JAG1: variants seen among roughly 807,000 people sequenced by gnomAD.
JAG1 encodes jagged canonical Notch ligand 1.
Under a neutral mutation model 148.7 loss-of-function variants are expected in JAG1, and 23 were observed. The observed-to-expected ratio is 0.15, with a 90% CI of 0.11 to 0.22. The LOEUF (loss-of-function observed/expected upper bound fraction) is 0.22, where lower values mean the gene tolerates loss of function less well. Ranked by LOEUF, JAG1 falls within the 10% of genes least tolerant of loss-of-function variation. The pLI is 1.00. For synonymous variants in JAG1, 572 were observed against 598.3 expected, an observed-to-expected ratio of 0.96 and a Z score of 0.64; for missense variants, 1,054 against 1,611.2, an observed-to-expected ratio of 0.65 and a Z score of 5.92.
Position 10,647,044 on chromosome 20 carries a change from T to C in JAG1, c.1780A>G (p.Ile594Val). Reference protein sequence around the residue: ...SNDTPEGVRYISSNVCGPHGK... With the variant: ...SNDTPEGVRYVSSNVCGPHGK... ...TGAGGACCACAGACGTTGGAGGAAA[T>C]ATACCGCACCCCTTCAGGTGTGTCG... The change falls in exon 14 of 26, where the codon ATT (isoleucine) becomes GTT (valine). Residue 594 changes from isoleucine (I) to valine (V), a missense_variant. Coordinates refer to ENST00000254958, the MANE Select transcript of JAG1 (RefSeq NM_000214.3). The C allele has an allele frequency of 6.2e-7, 1 of 1,614,138 alleles. No homozygotes were observed.
At chr20:10,640,661 A>T in intron 25 of JAG1, 122 bp downstream of exon 25, 1 of 1,021,116 alleles carries the variant, frequency 9.8e-7, no homozygotes, top group Non-Finnish European at 1.5e-6. Flanking sequence ...GTTCTCAGTT[A>T]AATTGGGAGC....
rs1600176562 is a variant in JAG1, at chr20:10,637,994, T to A, written c.*1504A>T. The A allele has an allele frequency of 6.5e-6, 1 of 152,792 alleles. No individual in the cohort carries two copies. The highest frequency in any genetic ancestry group is 1.9e-4 in the East Asian group (1 of 5,192). The allele number at this position is 152,792 out of a possible 1,614,324, so 9.5% of individuals were successfully genotyped here. A position where few individuals can be genotyped will look rare whatever the true frequency, so the allele number is the denominator to read the frequency against. ...TGTTCCATGTTTTCATACAAAAAAA[T>A]TTAATAAATATTACTTTTCAAAATT... On this transcript the variant is annotated 3_prime_UTR_variant, in exon 26 of 26. Transcript: ENST00000254958.
intron 13 of JAG1, chr20:10,647,397 T>G: frequency 2.0e-6 from 1 of 492,464 alleles, no homozygotes; most frequent in Non-Finnish European, 3.7e-6. Flanking sequence ...TGGTAAACAC[T>G]TGCTAAGGCA....
intron 3 of JAG1, among the ~76,000 whole-genome samples, chr20:10,662,742 C>CCA (rs2067425783): frequency 6.6e-6 from 1 of 152,044 alleles, no homozygotes; most frequent in African/African-American, 2.4e-5. Context: ...CCTGCCACCC[C>CCA]CACACACACC....
chr20:10,650,612 C>A (rs1047140929), intron 8 of JAG1: 2 of 501,044 alleles, frequency 4.0e-6, no homozygotes, highest in Admixed American at 6.5e-5. Flanking sequence ...TGGATACTGA[C>A]GGAGCATCCG....
At position 10,645,804 on chromosome 20, in the gene JAG1, G is replaced by A; in HGVS notation, c.1999+167C>T. 1 of 681,772 alleles carries A rather than the reference G, an allele frequency of 1.5e-6. No homozygotes were observed. The allele number at this position is 681,772 out of a possible 1,614,324, so 42.2% of individuals were successfully genotyped here. A position where few individuals can be genotyped will look rare whatever the true frequency, so the allele number is the denominator to read the frequency against. On this transcript the variant is annotated intron_variant, in intron 15 of 25. Coordinates refer to ENST00000254958, the MANE Select transcript of JAG1 (RefSeq NM_000214.3). This position sits in a 1 kb window ranked among gnomAD's most constrained non-coding sequence, Gnocchi z 6.1. The stretch of plus-strand genomic sequence containing the variant: ...AGCTCCTCCCCATAAGCTATCATCA[G>A]GACTCATAAATGCAAATGAGACACA...
intron 2 of JAG1, among the ~76,000 whole-genome samples, chr20:10,672,113 G>A (rs1213442892): frequency 2.6e-5 from 4 of 152,168 alleles, no homozygotes; most frequent in African/African-American, 9.6e-5. Context: ...AGGGCCCCAA[G>A]AACCTCCTCC....
chr20:10,640,956 TGA>T (rs1201794695), intron 24 of JAG1, 23 bp from the exon 25 acceptor site: 1 of 1,613,666 alleles, frequency 6.2e-7, no homozygotes, highest in Non-Finnish European at 8.5e-7. Flanking sequence ...TTGTCAGACT[TGA>T]GAGTCAGAGG....
At chr20:10,658,956 CCTAGT>C (rs1369560091) in intron 3 of JAG1, among the ~76,000 whole-genome samples, 1 of 152,180 alleles carries the variant, frequency 6.6e-6, no homozygotes. Flanking sequence ...AAATAATTTA[CCTAGT>C]CCCTGACATG....
chr20:10,667,741 T>G (rs188798739), intron 2 of JAG1, among the ~76,000 whole-genome samples: 2 of 152,282 alleles, frequency 1.3e-5, no homozygotes, highest in African/African-American at 4.8e-5. Flanking sequence ...CCAAAGCTCA[T>G]ATCCAGATTT....
chr20:10,651,455 C>CTTAG, intron 8 of JAG1, 126 bp downstream of exon 8: 1 of 660,898 alleles, frequency 1.5e-6, no homozygotes. Flanking sequence ...GCTTACCAGA[C>CTTAG]TTAGGCCTGC....
In JAG1 at chr20:10,645,158, T is replaced by C; in HGVS notation, c.2212A>G (p.Thr738Ala). Residue 738 changes from threonine to alanine, a missense_variant, in exon 17 of 26, where the codon ACA becomes GCA. Physicochemically the swap from Thr to Ala is moderately conservative, Grantham distance 58. Transcript: ENST00000254958. The surrounding 1 kb of genome is among the most constrained non-coding windows in gnomAD (Gnocchi z 6.1). ...ATAAAGTTACCTATGTTACAGGTTG[T>C]TCCTTCCCAGCCGCCAGGACACATG... is the stretch of plus-strand genomic sequence containing the variant. ...KCMCPGGWEG[T>A]TCNIARNSSC... 2 of 1,613,974 alleles carry C rather than the reference T, an allele frequency of 1.2e-6. No individual in the cohort carries two copies. The highest frequency in any genetic ancestry group is 1.7e-6 in the Non-Finnish European group (2 of 1,179,826).
intron 5 of JAG1, among the ~76,000 whole-genome samples, chr20:10,653,236 G>A (rs921512495): frequency 1.3e-5 from 2 of 150,400 alleles, no homozygotes; most frequent in Admixed American, 1.3e-4. Context: ...TCCCATTACT[G>A]TGTGCTAATT....
intron 19 of JAG1, 151 bp from the exon 20 acceptor site, chr20:10,644,014 C>G: frequency 1.4e-6 from 1 of 725,266 alleles, no homozygotes; most frequent in Non-Finnish European, 2.5e-6. Flanking sequence ...ATGCCTGGGT[C>G]CCACCCCCAG....
chr20:10,642,391 C>T (rs928650637), intron 21 of JAG1, 97 bp downstream of exon 21: 1 of 740,424 alleles, frequency 1.4e-6, no homozygotes, highest in Non-Finnish European at 2.4e-6. Flanking sequence ...TGTTCCCTTC[C>T]CTGAGCACAG....
intron 13 of JAG1, chr20:10,647,445 G>C: frequency 7.1e-6 from 3 of 421,402 alleles, no homozygotes; most frequent in Non-Finnish European, 1.3e-5. Flanking sequence ...TTGATCTTAA[G>C]CAAGGCTCAA....
chr20:10,666,300 C>T (rs1466212514), intron 2 of JAG1, among the ~76,000 whole-genome samples: 2 of 152,088 alleles, frequency 1.3e-5, no homozygotes, highest in Non-Finnish European at 2.9e-5. Flanking sequence ...TTAATTTTTC[C>T]CAGGCCCACA....
intron 4 of JAG1, among the ~76,000 whole-genome samples, chr20:10,657,001 TTA>T (rs1194218444): frequency 6.6e-6 from 1 of 152,060 alleles, no homozygotes; most frequent in Admixed American, 6.5e-5. Context: ...GGTGAGACTT[TTA>T]TAAAGTATCC....
Position 10,645,115 on chromosome 20 carries a change from G to T in JAG1, c.2227+28C>A. On this transcript the variant is annotated intron_variant, in intron 17 of 25. Transcript: ENST00000254958. This position sits in a 1 kb window ranked among gnomAD's most constrained non-coding sequence, Gnocchi z 6.1. ...ACACGCCCAGGTGGCCATGCCCACT[G>T]CAGATCCCACGTGGGGCATAAAGTT... The T allele has an allele frequency of 6.3e-7, 1 of 1,581,236 alleles. No individual in the cohort carries two copies. The highest frequency in any genetic ancestry group is 8.7e-7 in the Non-Finnish European group (1 of 1,149,952).
Sources: allele counts gnomAD v4.1 joint callset (sites outside exome capture counted in the v4.1 genomes callset), GRCh38; gene constraint gnomAD v4.1.1; non-coding constraint Gnocchi (gnomAD v3.1); transcripts MANE v1.5; gene names NCBI Gene and HGNC (gene_info 2026-07-23, HGNC 2026-07-21).